Variants in RPS13 observed in about 807,000 individuals in gnomAD.
The protein encoded by RPS13 is ribosomal protein S13, also known as small ribosomal subunit protein uS15.
RPS13 carries 1 observed loss-of-function variant against 24.6 expected under a neutral mutation model. The ratio of observed to expected loss-of-function variants is 0.04; its 90% CI spans 0.01 to 0.19. The LOEUF (loss-of-function observed/expected upper bound fraction) is 0.19, where lower values mean the gene tolerates loss of function less well. RPS13 is among the 10% of genes least tolerant of loss of function. The pLI is 1.00. For missense variants in RPS13, 88 were observed against 187.4 expected (o/e 0.47, Z 3.10); for synonymous variants, 69 against 65.3 (o/e 1.06, Z -0.27).
chr11:17,074,963 G>C, intron 5 of RPS13, 134 bp downstream of exon 5: 1 of 648,766 alleles, frequency 1.5e-6, no homozygotes, highest in Non-Finnish European at 2.7e-6. Context: ...AGCTCAAAGA[G>C]CAGTTAACAA....
Position 17,075,539 on chromosome 11 carries a change from C to T in RPS13, c.236G>A (p.Gly79Glu). 6.2e-7 allele frequency: 1 copy of T among 1,608,234 alleles called. No individual in the cohort carries two copies. The highest frequency in any genetic ancestry group is 8.5e-7 in the Non-Finnish European group (1 of 1,177,102). ...NKILRILKSKGLAPDLPEDLY... is the reference protein window; with the variant it reads ...NKILRILKSKELAPDLPEDLY... The stretch of plus-strand genomic sequence containing the variant: ...ATCTTCAGGAAGATCAGGAGCAAGT[C>T]CCTTAGACTTAAGAATTCTTAAAAT... Residue 79 changes from glycine to glutamate, a missense_variant, in exon 4 of 6, where the codon GGA becomes GAA. Coordinates refer to ENST00000525634, the MANE Select transcript of RPS13 (RefSeq NM_001017.3).
intron 3 of RPS13, chr11:17,075,895 G>A (rs1263462749): frequency 1.3e-5 from 7 of 555,952 alleles, no homozygotes; most frequent in South Asian, 3.2e-5. Context: ...ATGACCAAAG[G>A]GATTAATGAG....
intron 5 of RPS13, chr11:17,074,739 T>A: frequency 1.5e-6 from 1 of 676,268 alleles, no homozygotes; most frequent in Non-Finnish European, 2.7e-6. Context: ...CCAATCATCA[T>A]AGTGAGCAAT....
At chr11:17,076,454 G>A (rs1848027058) in intron 3 of RPS13, 3 of 327,602 alleles carry the variant, frequency 9.2e-6, no homozygotes, top group South Asian at 4.4e-5. Flanking sequence ...TATTCGGGAG[G>A]CTGAGGCAGG....
Position 17,076,317 on chromosome 11 carries a change from G to C in RPS13, c.152-694C>G, listed in dbSNP as rs192363650. On this transcript the variant is annotated intron_variant, in intron 3 of 5. Transcript: ENST00000525634. The stretch of plus-strand genomic sequence containing the variant: ...AGGAGAATTGCTTGCTTGAACCCAG[G>C]AGGCGGAGGTTGCAGTGAGCCGAGA... 1.4e-3 allele frequency: 337 copies of C among 233,020 alleles called. 2 individuals carry two copies. The highest frequency in any genetic ancestry group is 2.5e-3 in the Non-Finnish European group (282 of 113,892). The allele number at this position is 233,020 out of a possible 1,614,324, so 14.4% of individuals were successfully genotyped here. A position where few individuals can be genotyped will look rare whatever the true frequency, so the allele number is the denominator to read the frequency against.
chr11:17,077,429 A>T lies in RPS13; in HGVS notation c.72T>A (p.Thr24=). ...SALPYRRSVP[T]WLKLTSDDVK... ...TCCCCGGTCCCAGCGCGCTACTTAC[A>T]GTGGGGACGCTGCGTCGATAGGGTA... The change falls in exon 2 of 6, where the codon ACT becomes ACA. Residue 24 remains threonine, a splice_region_variant and synonymous_variant. Coordinates refer to ENST00000525634, the MANE Select transcript of RPS13 (RefSeq NM_001017.3). The T allele has an allele frequency of 6.2e-7, 1 of 1,608,814 alleles. No individual in the cohort carries two copies. The highest frequency in any genetic ancestry group is 1.1e-5 in the South Asian group (1 of 90,938).
Position 17,076,428 on chromosome 11 carries a change from C to A in RPS13, c.151+740G>T, listed in dbSNP as rs116381931. The A allele has an allele frequency of 4.3e-3, 1,235 of 289,402 alleles. 19 individuals carry two copies. The highest frequency in any genetic ancestry group is 0.027 in the African/African-American group (1,172 of 42,856). 17.9% of individuals were successfully genotyped at this position (289,402 alleles called of 1,614,324 possible). A position where few individuals can be genotyped will look rare whatever the true frequency, so the allele number is the denominator to read the frequency against. On this transcript the variant is annotated intron_variant, in intron 3 of 5. Transcript: ENST00000525634. ...CAAATTAGCTGGGCCTGCTGGCGGGCGCCTGTAATCCCACCTATTCGGGAG... is the reference window on the plus strand; with the variant it reads ...CAAATTAGCTGGGCCTGCTGGCGGGAGCCTGTAATCCCACCTATTCGGGAG...
At position 17,074,455 on chromosome 11, in the gene RPS13, G is replaced by A; in HGVS notation, c.434C>T (p.Thr145Ile). The A allele has an allele frequency of 6.2e-7, 1 of 1,611,768 alleles. No individual in the cohort carries two copies. The highest frequency in any genetic ancestry group is 8.5e-7 in the Non-Finnish European group (1 of 1,177,960). The part of the protein sequence containing the change: ...LPPNWKYESS[T>I]ASALVA ...AATTTATGCGACCAGGGCAGAGGCTGTAGATGATTCACTGAAAAAGAAAAA... is the reference window on the plus strand; with the variant it reads ...AATTTATGCGACCAGGGCAGAGGCTATAGATGATTCACTGAAAAAGAAAAA... The change falls in exon 6 of 6, where the codon ACA (threonine) becomes ATA (isoleucine). Residue 145 changes from threonine to isoleucine, a missense_variant. Physicochemically the swap from Thr to Ile is moderately conservative, Grantham distance 89. Coordinates refer to ENST00000525634, the MANE Select transcript of RPS13 (RefSeq NM_001017.3).
chr11:17,075,239 A>T, intron 4 of RPS13, 42 bp from the exon 5 acceptor site: 1 of 1,347,442 alleles, frequency 7.4e-7, no homozygotes, highest in Non-Finnish European at 1.0e-6. Context: ...ACCACCCAAA[A>T]TGACCTAACA....
chr11:17,075,993 CTGACTACTTACAATCTA>C (rs1411844673), intron 3 of RPS13: 1 of 354,824 alleles, frequency 2.8e-6, no homozygotes, highest in Non-Finnish European at 5.5e-6. Context: ...CTAATGAGCT[CTGACTACTTACAATCTA>C]TGACATATTT....
rs1224597932 is a variant in RPS13, at chr11:17,074,948, G to C, written c.422+149C>G. 7 of 628,134 alleles carry C rather than the reference G, an allele frequency of 1.1e-5. No homozygotes were observed. The East Asian group carries it at 1.9e-4, about 17-fold the overall frequency. 38.9% of individuals were successfully genotyped at this position (628,134 alleles called of 1,614,324 possible). On this transcript the variant is annotated intron_variant, in intron 5 of 5. Coordinates refer to ENST00000525634, the MANE Select transcript of RPS13 (RefSeq NM_001017.3). The stretch of plus-strand genomic sequence containing the variant: ...CCTGTGGCTGCTTTCCCACTACCAG[G>C]CCAGAGCTCAAAGAGCAGTTAACAA...
At position 17,075,180 on chromosome 11, in the gene RPS13, G is replaced by A; in HGVS notation, c.339C>T (p.Phe113=). Residue 113 remains phenylalanine, a synonymous_variant, in exon 5 of 6, where the codon TTC becomes TTT. Transcript: ENST00000525634. The part of the protein sequence containing the change: ...ERNRKDKDAK[F]RLILIESRIH... ...TCCGGCTCTCTATTAGAATCAGACG[G>A]AATTTAGCATCCTTATCCTAAAAAT... The A allele has an allele frequency of 6.2e-7, 1 of 1,602,794 alleles. No individual in the cohort carries two copies. The highest frequency in any genetic ancestry group is 8.5e-7 in the Non-Finnish European group (1 of 1,176,670).
chr11:17,074,803 A>C, intron 5 of RPS13: 1 of 659,122 alleles, frequency 1.5e-6, no homozygotes, highest in African/African-American at 1.8e-5. Context: ...AGGAAAATCT[A>C]CCTACTATCT....
At chr11:17,075,669 G>T in intron 3 of RPS13, 46 bp from the exon 4 acceptor site, 1 of 1,453,278 alleles carries the variant, frequency 6.9e-7, no homozygotes, top group Non-Finnish European at 9.5e-7. Flanking sequence ...AACACAAACT[G>T]GAGAATGTGA....
At position 17,076,542 on chromosome 11, in the gene RPS13, G is replaced by A. The variant is rs1305993156; in HGVS notation, c.151+626C>T. On this transcript the variant is annotated intron_variant, in intron 3 of 5. Transcript: ENST00000525634. ...CTGCACTCCAGACTGGGCGACAAGA[G>A]CAAGACTGTCTCAAAAAAAAAAAAA... 6 of 388,362 alleles carry A rather than the reference G, an allele frequency of 1.5e-5. No homozygotes were observed. The Admixed American group carries it at 1.9e-4, about 12-fold the overall frequency. 24.1% of individuals were successfully genotyped at this position (388,362 alleles called of 1,614,324 possible).
Position 17,074,486 on chromosome 11 carries a change from A to C in RPS13, c.423-20T>G. On this transcript the variant is annotated intron_variant, in intron 5 of 5. Coordinates refer to ENST00000525634, the MANE Select transcript of RPS13 (RefSeq NM_001017.3). ...GATTCACTGAAAAAGAAAAAAGGGG[A>C]AAGAAAGAAAATCAGGATTAATACT... 1 of 1,600,086 alleles carries C rather than the reference A, an allele frequency of 6.2e-7. No homozygotes were observed. The highest frequency in any genetic ancestry group is 8.6e-7 in the Non-Finnish European group (1 of 1,167,874).
chr11:17,075,857 T>C (rs913196239), intron 3 of RPS13: 7 of 635,140 alleles, frequency 1.1e-5, no homozygotes, highest in Non-Finnish European at 2.0e-5. Flanking sequence ...TGGAAAACCA[T>C]CATCACAGTG....
chr11:17,074,624 A>G (rs766870618), intron 5 of RPS13, 158 bp from the exon 6 acceptor site: 9 of 720,706 alleles, frequency 1.2e-5, no homozygotes, highest in Non-Finnish European at 2.3e-5. Context: ...GAACCAACTC[A>G]TTGTGTTCAA....
At chr11:17,076,319 G>A (rs11024149) in intron 3 of RPS13, 81,600 of 227,972 alleles carry the variant, frequency 0.36, 15,977 homozygotes, top group East Asian at 0.81. Context: ...GAACCCAGGA[G>A]GCGGAGGTTG....
Sources: gnomAD v4.1 joint callset for allele counts on GRCh38, gnomAD v4.1.1 for gene constraint, MANE v1.5 for transcripts, NCBI Gene and HGNC (gene_info 2026-07-23, HGNC 2026-07-21) for gene names.